CACNB2: variants seen among roughly 807,000 people sequenced by gnomAD.
The protein encoded by CACNB2 is calcium voltage-gated channel auxiliary subunit beta 2.
A neutral mutation model predicts 73.3 loss-of-function variants in CACNB2; 42 were observed. That is an observed-to-expected ratio of 0.57 (90% CI 0.45 to 0.74). CACNB2 has a LOEUF of 0.74. CACNB2 is among the 30% of genes least tolerant of loss of function. The pLI, the probability that CACNB2 is intolerant of heterozygous loss-of-function variation, is 0.00. For synonymous variants in CACNB2, 348 were observed against 310.3 expected (o/e 1.12, Z -1.28); for missense variants, 940 against 853.0 (o/e 1.10, Z -1.27).
chr10:18,243,170 A>T (rs571385419), intron 2 of CACNB2, among the ~76,000 whole-genome samples: 1 of 152,118 alleles, frequency 6.6e-6, no homozygotes, highest in Non-Finnish European at 1.5e-5. Context: ...ATTAAAAGAG[A>T]CTATTTTAGA....
At chr10:18,466,615 T>C (rs1482680545) in intron 3 of CACNB2, among the ~76,000 whole-genome samples, 1 of 152,164 alleles carries the variant, frequency 6.6e-6, no homozygotes, top group East Asian at 1.9e-4. Flanking sequence ...AGAAAATTGA[T>C]TTCGTTTGTA....
chr10:18,306,220 G>A (rs1390704086), intron 2 of CACNB2, among the ~76,000 whole-genome samples: 1 of 152,136 alleles, frequency 6.6e-6, no homozygotes, highest in African/African-American at 2.4e-5. Flanking sequence ...GTAGAAACAA[G>A]CAAATATAGC....
At chr10:18,279,271 T>C (rs1373920465) in intron 2 of CACNB2, among the ~76,000 whole-genome samples, 1 of 152,206 alleles carries the variant, frequency 6.6e-6, no homozygotes, top group African/African-American at 2.4e-5. Context: ...CATTTCCTTT[T>C]TTCTCTACCT....
intron 3 of CACNB2, among the ~76,000 whole-genome samples, chr10:18,419,311 A>G (rs2045188379): frequency 6.6e-6 from 1 of 151,806 alleles, no homozygotes. Flanking sequence ...CAGGTGCTGT[A>G]TTCAGCATAC....
chr10:18,530,255 T>C (rs998546754), intron 10 of CACNB2, among the ~76,000 whole-genome samples: 3 of 152,168 alleles, frequency 2.0e-5, no homozygotes, highest in Non-Finnish European at 4.4e-5. Context: ...TTCATTCATT[T>C]AGCAAATACT....
rs559573238 is a variant in CACNB2, at chr10:18,230,514, A to C, written c.213+79539A>C. 1.3e-4 allele frequency among the ~76,000 whole-genome samples: 20 copies of C among 152,310 alleles called. No individual in the cohort carries two copies. The South Asian group carries it at 3.1e-3, about 24-fold the overall frequency. ...ATGCATGTACAGTATGTGTTGTTAT[A>C]AGGCAGTTCCTTGAGATTTAAAAAC... On this transcript the variant is annotated intron_variant, in intron 2 of 13. Transcript: ENST00000324631.
intron 2 of CACNB2, among the ~76,000 whole-genome samples, chr10:18,360,765 A>AAG (rs1394189548): frequency 2.6e-5 from 4 of 152,078 alleles, no homozygotes; most frequent in Non-Finnish European, 5.9e-5. Flanking sequence ...ATTCCCCTGC[A>AAG]TCTGGGGTGT....
intron 2 of CACNB2, among the ~76,000 whole-genome samples, chr10:18,385,551 C>T (rs1437571709): frequency 6.7e-6 from 1 of 149,022 alleles, no homozygotes; most frequent in Non-Finnish European, 1.5e-5. Flanking sequence ...CGCTTGAACT[C>T]AGGAGGCAGA....
intron 2 of CACNB2, among the ~76,000 whole-genome samples, chr10:18,357,559 C>G (rs1221755292): frequency 6.6e-6 from 1 of 152,196 alleles, no homozygotes; most frequent in Admixed American, 6.5e-5. Flanking sequence ...AAGTTCCAAA[C>G]AAAGTACAAT....
At chr10:18,398,689 AC>A (rs1564504811) in intron 2 of CACNB2, among the ~76,000 whole-genome samples, 3 of 73,442 alleles carry the variant, frequency 4.1e-5, no homozygotes, top group East Asian at 2.5e-4. Context: ...ACACACACAC[AC>A]ATACACACAC....
At chr10:18,280,034 G>A (rs568965636) in intron 2 of CACNB2, among the ~76,000 whole-genome samples, 27 of 152,204 alleles carry the variant, frequency 1.8e-4, no homozygotes, top group African/African-American at 5.8e-4. Flanking sequence ...AGCCGAGATC[G>A]CACTGCTGCA....
chr10:18,162,729 G>C lies in CACNB2; in HGVS notation c.213+11754G>C, dbSNP rs549827124. On this transcript the variant is annotated intron_variant, in intron 2 of 13. Transcript: ENST00000324631. The stretch of plus-strand genomic sequence containing the variant: ...GCTCCTAGGGAATTAGTAAACCAAG[G>C]CATGACTTACTTACATAACATCAGC... Among the ~76,000 whole-genome samples the C allele has an allele frequency of 4.6e-5, 7 of 152,282 alleles. No individual in the cohort carries two copies. The East Asian group carries it at 1.2e-3, about 25-fold the overall frequency.
intron 3 of CACNB2, among the ~76,000 whole-genome samples, chr10:18,493,423 C>A (rs933205919): frequency 2.0e-5 from 3 of 152,142 alleles, no homozygotes; most frequent in Admixed American, 2.0e-4. Flanking sequence ...ACCTCTGCCT[C>A]CCAAAGTGCT....
Position 18,536,201 on chromosome 10 carries a change from G to GTTATCTCTA in CACNB2, c.1302+7_1302+15dup. ...AAACTGGCTCAGTGTCCTCCAGTAA[G>GTTATCTCTA]TTATCTCTATATACAGCATAATCCA... On this transcript the variant is annotated splice_donor_region_variant and intron_variant, in intron 12 of 13. Transcript: ENST00000324631. The GTTATCTCTA allele has an allele frequency of 9.5e-7, 1 of 1,055,436 alleles. No individual in the cohort carries two copies. Among genetic ancestry groups the GTTATCTCTA allele is most frequent in the Non-Finnish European group, 1.4e-6 (1 of 728,056 alleles). The allele number at this position is 1,055,436 out of a possible 1,614,324, so 65.4% of individuals were successfully genotyped here. A position where few individuals can be genotyped will look rare whatever the true frequency, so the allele number is the denominator to read the frequency against.
chr10:18,532,304 T>C (rs1260993004), intron 10 of CACNB2, among the ~76,000 whole-genome samples: 1 of 152,092 alleles, frequency 6.6e-6, no homozygotes, highest in Admixed American at 6.6e-5. Context: ...TATTAAAACA[T>C]GTTAATATAT....
At chr10:18,478,197 G>A (rs2048537382) in intron 3 of CACNB2, among the ~76,000 whole-genome samples, 1 of 152,180 alleles carries the variant, frequency 6.6e-6, no homozygotes, top group Non-Finnish European at 1.5e-5. Flanking sequence ...CTCCGAAGGT[G>A]CTGGGATTAC....
intron 3 of CACNB2, among the ~76,000 whole-genome samples, chr10:18,427,446 T>C (rs2045665612): frequency 6.6e-6 from 1 of 152,168 alleles, no homozygotes; most frequent in Non-Finnish European, 1.5e-5. Context: ...AATTTTCCTT[T>C]CTTATCCTTT....
chr10:18,488,640 G>T (rs1348411790), intron 3 of CACNB2, among the ~76,000 whole-genome samples: 1 of 151,994 alleles, frequency 6.6e-6, no homozygotes, highest in Non-Finnish European at 1.5e-5. Context: ...AGTGTCACAC[G>T]CAAGGCAGAC....
At chr10:18,442,456 G>C (rs1162731628) in intron 3 of CACNB2, among the ~76,000 whole-genome samples, 1 of 151,918 alleles carries the variant, frequency 6.6e-6, no homozygotes. Flanking sequence ...GGCCGAATCT[G>C]GTTCTTCTTT....
Sources: allele counts gnomAD v4.1 joint callset (sites outside exome capture counted in the v4.1 genomes callset), GRCh38; gene constraint gnomAD v4.1.1; transcripts MANE v1.5; gene names NCBI Gene and HGNC (gene_info 2026-07-23, HGNC 2026-07-21).